CCDC39: variants seen among roughly 807,000 people sequenced by gnomAD.
CCDC39 encodes coiled-coil domain 39 molecular ruler complex subunit.
In CCDC39, 113 loss-of-function variants were observed where a neutral mutation model predicts 121.0. The observed-to-expected ratio is 0.93, with a 90% CI of 0.80 to 1.09. The LOEUF is 1.09. Among genes scored for constraint, CCDC39 ranks in the 50% least tolerant of loss-of-function variants. The probability of loss-of-function intolerance (pLI) is 0.00; values close to 1 mark genes in which losing one functional copy is unlikely to be tolerated. For missense variants in CCDC39, 1,063 were observed against 1,074.7 expected (o/e 0.99, Z 0.15); for synonymous variants, 349 against 352.2 (o/e 0.99, Z 0.10).
At chr3:180,657,026 G>T (rs1244531811) in intron 6 of CCDC39, among the ~76,000 whole-genome samples, 1 of 152,136 alleles carries the variant, frequency 6.6e-6, no homozygotes, top group Non-Finnish European at 1.5e-5. Context: ...TCTTAATAAA[G>T]CTGCTTTCAC....
At chr3:180,669,039 T>C (rs1011586544) in intron 1 of CCDC39, among the ~76,000 whole-genome samples, 10 of 152,346 alleles carry the variant, frequency 6.6e-5, no homozygotes, top group South Asian at 4.1e-4. Context: ...ATGAAATGCA[T>C]GTTCGTATGT....
Position 180,651,513 on chromosome 3 carries a change from T to C in CCDC39, c.1055A>G (p.His352Arg), listed in dbSNP as rs1337807496. 3 of 1,527,976 alleles carry C rather than the reference T, an allele frequency of 2.0e-6. No individual in the cohort carries two copies. The East Asian group carries it at 7.3e-5, about 37-fold the overall frequency. 94.7% of individuals were successfully genotyped at this position (1,527,976 alleles called of 1,614,324 possible). A position where few individuals can be genotyped will look rare whatever the true frequency, so the allele number is the denominator to read the frequency against. Residue 352 changes from histidine (H) to arginine (R), a missense_variant, in exon 9 of 20, where the codon CAT (histidine) becomes CGT (arginine). Coordinates refer to ENST00000476379, the MANE Select transcript of CCDC39 (RefSeq NM_181426.2). The stretch of plus-strand genomic sequence containing the variant: ...TAATTTTGTTTGTATTATCTCATTA[T>C]GATTTTTAGTTTTTTGTAACCTGAA... ...ETARLQKTKN[H>R]NEIIQTKLKE... is the part of the protein sequence containing the mutation.
chr3:180,627,173 A>C (rs1048281219), intron 14 of CCDC39, among the ~76,000 whole-genome samples: 1 of 152,190 alleles, frequency 6.6e-6, no homozygotes, highest in African/African-American at 2.4e-5. Context: ...TTTATTAGTA[A>C]TATTTCCATT....
At chr3:180,650,952 C>G (rs1718190954) in intron 9 of CCDC39, among the ~76,000 whole-genome samples, 2 of 151,806 alleles carry the variant, frequency 1.3e-5, no homozygotes, top group South Asian at 4.2e-4. Context: ...GTGGCTCACA[C>G]CTGTAATCCC....
chr3:180,616,796 G>C (rs1175936716), intron 17 of CCDC39, 30 bp downstream of exon 17: 1 of 1,599,928 alleles, frequency 6.3e-7, no homozygotes, highest in Non-Finnish European at 8.5e-7. Flanking sequence ...ATGTAAATAT[G>C]AAAGGTCAGT....
chr3:180,647,218 C>T lies in CCDC39; in HGVS notation c.1388G>A (p.Arg463Gln), dbSNP rs747905187. 26 of 1,605,082 alleles carry T rather than the reference C, an allele frequency of 1.6e-5. No homozygotes were observed. Among genetic ancestry groups the T allele is most frequent in the African/African-American group, 1.1e-4 (8 of 74,376 alleles). ...TTCTCCCTTTAACCGTGACATTCTC[C>T]GTTCCACTTGTTGAATGTGAAAATC... The part of the protein sequence containing the change: ...SQDFHIQQVE[R>Q]RMSRLKGEIN... Residue 463 changes from arginine (R) to glutamine (Q), a missense_variant, in exon 11 of 20, where the codon CGG (arginine) becomes CAG (glutamine). Physicochemically the swap from Arg to Gln is conservative, Grantham distance 43. Transcript: ENST00000476379.
rs1319476950 is a variant in CCDC39 at position 180,661,989 on chromosome 3, C to T, written c.229G>A (p.Glu77Lys). The change falls in exon 3 of 20, where the codon GAG (glutamate) becomes AAG (lysine). Residue 77 changes from glutamate (E) to lysine (K), a missense_variant. Transcript: ENST00000476379. The stretch of plus-strand genomic sequence containing the variant: ...TGTTCTTCACTTTCAGTCTCACGCT[C>T]CCTTGCTTTGCAAAGAGACTACAGA... ...SITQSLCKAR[E>K]RETESEEHFK... 3 of 1,552,300 alleles carry T rather than the reference C, an allele frequency of 1.9e-6. No individual in the cohort carries two copies. In the Admixed American group the frequency reaches 5.9e-5, roughly 30 times the overall value.
At chr3:180,645,569 T>TA (rs1718049595) in intron 11 of CCDC39, among the ~76,000 whole-genome samples, 2 of 152,044 alleles carry the variant, frequency 1.3e-5, no homozygotes, top group African/African-American at 4.8e-5. Context: ...ATTTTTTGCA[T>TA]AAAAATGTGA....
intron 13 of CCDC39, among the ~76,000 whole-genome samples, chr3:180,637,912 T>C (rs896005730): frequency 6.6e-6 from 1 of 151,978 alleles, no homozygotes; most frequent in Non-Finnish European, 1.5e-5. Flanking sequence ...ACAATGGACA[T>C]TGGGACCTGT....
At chr3:180,651,935 A>G (rs578101912) in intron 8 of CCDC39, among the ~76,000 whole-genome samples, 100 of 151,954 alleles carry the variant, frequency 6.6e-4, no homozygotes, top group African/African-American at 2.3e-3. Flanking sequence ...TACTCAGGAG[A>G]CTGAGGCAGG....
intron 14 of CCDC39, among the ~76,000 whole-genome samples, chr3:180,631,219 G>A (rs954172059): frequency 6.6e-6 from 1 of 152,168 alleles, no homozygotes; most frequent in African/African-American, 2.4e-5. Context: ...TTGGGAATCA[G>A]AGGGCAGTGC....
intron 16 of CCDC39, chr3:180,617,618 A>G (rs1717298017): frequency 4.9e-6 from 2 of 408,052 alleles, no homozygotes; most frequent in Non-Finnish European, 8.7e-6. Context: ...AAAAAATTAA[A>G]AAGTAAAAAA....
At chr3:180,661,816 G>T in intron 3 of CCDC39, 45 bp downstream of exon 3, 1 of 1,497,928 alleles carries the variant, frequency 6.7e-7, no homozygotes. Flanking sequence ...GGTGATGGAA[G>T]AATGAGCAGT....
At chr3:180,675,882 C>T (rs1453056520) in intron 1 of CCDC39, among the ~76,000 whole-genome samples, 2 of 149,158 alleles carry the variant, frequency 1.3e-5, no homozygotes, top group African/African-American at 5.1e-5. Flanking sequence ...CTGACAAAAA[C>T]AAGAAATGGG....
At chr3:180,617,678 G>C in intron 16 of CCDC39, 1 of 394,778 alleles carries the variant, frequency 2.5e-6, no homozygotes. Flanking sequence ...GAATATTTTT[G>C]TGCAGTTGAA....
At position 180,659,523 on chromosome 3, in the gene CCDC39, GTTC is replaced by G. The variant is rs1711686691; in HGVS notation, c.664_666del (p.Glu222del). The G allele has an allele frequency of 1.9e-6, 3 of 1,613,136 alleles. No homozygotes were observed. The highest frequency in any genetic ancestry group is 2.5e-6 in the Non-Finnish European group (3 of 1,179,554). The stretch of plus-strand genomic sequence containing the variant: ...ATTGTGTTCTCCCATTGTTTAATGA[GTTC>G]TTGTCTTTCATTATGAATCTTACGA... On this transcript the variant is annotated inframe_deletion, in exon 6 of 20. Coordinates refer to ENST00000476379, the MANE Select transcript of CCDC39 (RefSeq NM_181426.2).
At chr3:180,667,037 G>C (rs889928424) in intron 1 of CCDC39, among the ~76,000 whole-genome samples, 1 of 152,070 alleles carries the variant, frequency 6.6e-6, no homozygotes, top group Non-Finnish European at 1.5e-5. Context: ...AATACTTTCA[G>C]AGTTTTTTTT....
intron 14 of CCDC39, among the ~76,000 whole-genome samples, chr3:180,621,194 C>G (rs1292414925): frequency 6.6e-6 from 1 of 152,128 alleles, no homozygotes; most frequent in Admixed American, 6.6e-5. Context: ...GAATCCACAT[C>G]TTTGCTATTG....
intron 9 of CCDC39, among the ~76,000 whole-genome samples, chr3:180,648,945 G>C (rs1436445018): frequency 6.6e-6 from 1 of 152,110 alleles, no homozygotes. Context: ...CCATTTTGTG[G>C]TGTTTCCAAC....
Sources: gnomAD v4.1 joint callset for allele counts (sites outside exome capture counted in the v4.1 genomes callset) on GRCh38, gnomAD v4.1.1 for gene constraint, MANE v1.5 for transcripts, NCBI Gene and HGNC (gene_info 2026-07-23, HGNC 2026-07-21) for gene names.